Variants in RNF128 observed in about 807,000 individuals in gnomAD.
RNF128 encodes the protein ring finger protein 128.
In RNF128, 13 loss-of-function variants were observed where a neutral mutation model predicts 26.2. The ratio of observed to expected loss-of-function variants is 0.50; its 90% confidence interval spans 0.32 to 0.79. RNF128 has a LOEUF of 0.79. Among genes scored for constraint, RNF128 ranks in the 30% least tolerant of loss-of-function variants. The pLI is 0.03. For synonymous variants in RNF128, 149 were observed against 142.5 expected, an observed-to-expected ratio of 1.05 and a Z score of -0.32; for missense variants, 315 against 349.7, an observed-to-expected ratio of 0.90 and a Z score of 0.79.
intron 1 of RNF128, among the ~76,000 whole-genome samples, chrX:106,752,401 C>T (rs1929910317): frequency 8.9e-6 from 1 of 112,381 alleles, no homozygotes; most frequent in Non-Finnish European, 1.9e-5. Flanking sequence ...ACACATTCTG[C>T]CTGGTAATCC....
At chrX:106,754,981 A>T (rs1350869989) in intron 1 of RNF128, among the ~76,000 whole-genome samples, 1 of 111,655 alleles carries the variant, frequency 9.0e-6, no homozygotes, top group Non-Finnish European at 1.9e-5. Flanking sequence ...ATGACATGAA[A>T]AGTTGTTTTC....
intron 6 of RNF128, among the ~76,000 whole-genome samples, chrX:106,795,109 A>G (rs1184459101): frequency 9.0e-6 from 1 of 111,669 alleles, no homozygotes; most frequent in Non-Finnish European, 1.9e-5. Context: ...TTTATAATAC[A>G]ATTAAGTTCA....
intron 1 of RNF128, among the ~76,000 whole-genome samples, chrX:106,720,335 T>C (rs1228766085): frequency 9.0e-6 from 1 of 111,725 alleles, no homozygotes; most frequent in South Asian, 3.8e-4. Context: ...TTTTCTGCAA[T>C]GACCTCCACC....
rs1368829312 is a variant in RNF128, at chrX:106,788,382, ATATATAATATATATT to A, written c.887+383_887+397del. Among the ~76,000 whole-genome samples, 284 of 45,813 alleles carry A rather than the reference ATATATAATATATATT, an allele frequency of 6.2e-3. 4 individuals are homozygous for A. Among genetic ancestry groups the A allele is most frequent in the African/African-American group, 0.03 (272 of 9,081 alleles). The allele number at this position is 45,813 out of a possible 115,157, so 39.8% of individuals were successfully genotyped here. A position where few individuals can be genotyped will look rare whatever the true frequency, so the allele number is the denominator to read the frequency against. On this transcript the variant is annotated intron_variant, in intron 4 of 6. Transcript: ENST00000255499. Reference sequence around the variant, plus strand: ...CTATATATAATATATATTATATATTATATATAATATATATTATATATAATATATAATATATAATAT... The same window carrying A: ...CTATATATAATATATATTATATATTAATATATAATATATAATATATAATAT...
In RNF128 at chrX:106,727,403, T is replaced by C; in HGVS notation, c.484+6T>C. On this transcript the variant is annotated splice_donor_region_variant and intron_variant, in intron 1 of 6. Coordinates refer to ENST00000255499, the MANE Select transcript of RNF128 (RefSeq NM_194463.2). ...CATCCCCATGTCTCACCCGGGTGAG[T>C]GCAGCTACTAGATTGCACCCCTCCA... 3.3e-6 allele frequency: 4 copies of C among 1,209,604 alleles called. No individual in the cohort carries two copies. The highest frequency in any genetic ancestry group is 4.5e-6 in the Non-Finnish European group (4 of 894,635).
At chrX:106,792,248 T>C (rs1222257432) in intron 6 of RNF128, among the ~76,000 whole-genome samples, 2 of 109,873 alleles carry the variant, frequency 1.8e-5, no homozygotes, top group Non-Finnish European at 3.8e-5. Flanking sequence ...TGTACTCTCA[T>C]AATTGTGTGG....
At chrX:106,742,125 A>T in intron 1 of RNF128, among the ~76,000 whole-genome samples, 1 of 112,010 alleles carries the variant, frequency 8.9e-6, no homozygotes, top group South Asian at 3.7e-4. Flanking sequence ...TAAGTGAAAG[A>T]TAATGGTGAC....
chrX:106,785,230 G>A (rs1199187475), intron 3 of RNF128, 94 bp downstream of exon 3: 6 of 683,478 alleles, frequency 8.8e-6, no homozygotes, highest in Non-Finnish European at 1.3e-5. Flanking sequence ...GCTTTTATTG[G>A]CATTTATGAA....
At chrX:106,729,444 C>T (rs1423063653) in intron 1 of RNF128, among the ~76,000 whole-genome samples, 2 of 110,289 alleles carry the variant, frequency 1.8e-5, no homozygotes, top group Non-Finnish European at 3.8e-5. Flanking sequence ...ATAATAGTCA[C>T]TGAATGTTAT....
intron 1 of RNF128, among the ~76,000 whole-genome samples, chrX:106,755,796 T>G (rs990648889): frequency 9.0e-6 from 1 of 110,874 alleles, no homozygotes; most frequent in Non-Finnish European, 1.9e-5. Context: ...AGTCAAATTG[T>G]CCCTGTTTGC....
intron 6 of RNF128, among the ~76,000 whole-genome samples, chrX:106,793,599 G>A (rs1026349874): frequency 9.9e-5 from 11 of 111,031 alleles, no homozygotes; most frequent in Admixed American, 5.8e-4. Context: ...ATCCCACATT[G>A]CATTTAATTG....
At chrX:106,720,423 A>G (rs1929289961) in intron 1 of RNF128, among the ~76,000 whole-genome samples, 1 of 111,322 alleles carries the variant, frequency 9.0e-6, no homozygotes, top group African/African-American at 3.3e-5. Flanking sequence ...TATGTTGCCC[A>G]GGCTGGTCTC....
At chrX:106,751,902 A>G in intron 1 of RNF128, among the ~76,000 whole-genome samples, 1 of 110,789 alleles carries the variant, frequency 9.0e-6, no homozygotes, top group Non-Finnish European at 1.9e-5. Flanking sequence ...AGCCTTGGGC[A>G]AGGCTTCAGG....
intron 2 of RNF128, among the ~76,000 whole-genome samples, chrX:106,783,828 G>T (rs1481512703): frequency 9.0e-6 from 1 of 110,924 alleles, no homozygotes; most frequent in South Asian, 3.8e-4. Context: ...GGGGAAGCAC[G>T]CGTGTCACAG....
intron 1 of RNF128, among the ~76,000 whole-genome samples, chrX:106,772,374 C>T (rs1197706405): frequency 9.0e-6 from 1 of 111,560 alleles, no homozygotes; most frequent in Non-Finnish European, 1.9e-5. Flanking sequence ...AAAAATGGTA[C>T]ATCATGGACA....
At chrX:106,790,130 A>G in intron 4 of RNF128, 56 bp from the exon 5 acceptor site, 1 of 724,979 alleles carries the variant, frequency 1.4e-6, no homozygotes, top group Non-Finnish European at 2.2e-6. Flanking sequence ...GTTAATATAT[A>G]TTAGGTAAAG....
intron 1 of RNF128, among the ~76,000 whole-genome samples, chrX:106,717,905 T>C (rs999573471): frequency 8.9e-6 from 1 of 112,064 alleles, no homozygotes; most frequent in African/African-American, 3.2e-5. Context: ...AGGGTAAGAT[T>C]CTGTTGCAAA....
upstream of RNF128, among the ~76,000 whole-genome samples, chrX:106,723,518 G>A (rs892218349): frequency 1.8e-5 from 2 of 111,211 alleles, no homozygotes; most frequent in Non-Finnish European, 3.8e-5. Context: ...AGTGAGCCAA[G>A]ATCATGCCAT....
At chrX:106,769,612 C>T (rs1930332901) in intron 1 of RNF128, among the ~76,000 whole-genome samples, 1 of 100,731 alleles carries the variant, frequency 9.9e-6, no homozygotes, top group African/African-American at 3.7e-5. Flanking sequence ...TATTTTGAGC[C>T]TATGTGTGTC....
Sources: allele counts gnomAD v4.1 joint callset (sites outside exome capture counted in the v4.1 genomes callset), GRCh38; gene constraint gnomAD v4.1.1; transcripts MANE v1.5; gene names NCBI Gene and HGNC (gene_info 2026-07-23, HGNC 2026-07-21).